SIPA1L1: variants seen among roughly 807,000 people sequenced by gnomAD.
SIPA1L1 encodes signal-induced proliferation-associated 1-like protein 1.
In SIPA1L1, 26 loss-of-function variants were observed where a neutral mutation model predicts 162.7. That is an observed-to-expected ratio of 0.16 (90% confidence interval 0.12 to 0.22). SIPA1L1 has a LOEUF of 0.22. Ranked by LOEUF, SIPA1L1 falls within the 10% of genes least tolerant of loss-of-function variation. The pLI is 1.00. For missense variants in SIPA1L1, 1,874 were observed against 2,241.0 expected, an observed-to-expected ratio of 0.84 and a Z score of 3.31; for synonymous variants, 829 against 837.4, an observed-to-expected ratio of 0.99 and a Z score of 0.17.
At chr14:71,427,236 CTT>C (rs548405834) in intron 2 of SIPA1L1, among the ~76,000 whole-genome samples, 1 of 147,370 alleles carries the variant, frequency 6.8e-6, no homozygotes, top group Admixed American at 6.8e-5. Flanking sequence ...ACTTTCTCAG[CTT>C]TTTTTTTTGT....
chr14:71,431,901 A>G (rs189350065), intron 2 of SIPA1L1, among the ~76,000 whole-genome samples: 297 of 152,242 alleles, frequency 2.0e-3, no homozygotes, highest in African/African-American at 6.6e-3. Context: ...TTTCAAAATG[A>G]AAACCCAAAG....
chr14:71,680,123 A>G (rs891966522), intron 12 of SIPA1L1, among the ~76,000 whole-genome samples: 4 of 152,252 alleles, frequency 2.6e-5, no homozygotes, highest in Non-Finnish European at 5.9e-5. Context: ...CAGAATATAC[A>G]TTCTTCTCAG....
Position 71,556,221 on chromosome 14 carries a change from G to A in SIPA1L1, c.-303+26851G>A, listed in dbSNP as rs575944502. ...ATGTTTAACCAATTTTTTCTTTTGT[G>A]AATTGCCTACTGTTTCAGAAAAACT... On this transcript the variant is annotated intron_variant, in intron 4 of 23. Coordinates refer to ENST00000381232, the MANE Select transcript of SIPA1L1 (RefSeq NM_001386936.1). 9.2e-5 allele frequency among the ~76,000 whole-genome samples: 14 copies of A among 152,226 alleles called. No individual in the cohort carries two copies. The South Asian group carries it at 2.9e-3, about 32-fold the overall frequency.
chr14:71,475,566 C>T (rs1313134571), intron 2 of SIPA1L1, among the ~76,000 whole-genome samples: 1 of 152,070 alleles, frequency 6.6e-6, no homozygotes, highest in Admixed American at 6.6e-5. Context: ...GAATTCTTCA[C>T]CTATCTTGAT....
At chr14:71,398,069 G>A (rs1595223285) in intron 2 of SIPA1L1, among the ~76,000 whole-genome samples, 1 of 122,772 alleles carries the variant, frequency 8.1e-6, no homozygotes, top group South Asian at 2.5e-4. Flanking sequence ...AGGCCGGACT[G>A]CAGTGGCGCT....
chr14:71,545,388 T>C (rs1335722373), intron 4 of SIPA1L1, among the ~76,000 whole-genome samples: 1 of 152,234 alleles, frequency 6.6e-6, no homozygotes, highest in African/African-American at 2.4e-5. Flanking sequence ...GTTTTCAATA[T>C]AGATGTTTTG....
chr14:71,342,641 G>A (rs1241562961), intron 2 of SIPA1L1, among the ~76,000 whole-genome samples: 1 of 152,132 alleles, frequency 6.6e-6, no homozygotes, highest in African/African-American at 2.4e-5. Context: ...GATTATGATG[G>A]GAAAGGAGTA....
intron 5 of SIPA1L1, among the ~76,000 whole-genome samples, chr14:71,589,711 TA>T (rs1475399884): frequency 6.6e-6 from 1 of 152,154 alleles, no homozygotes. Context: ...ATTTGAAATA[TA>T]GCTGTTGTTT....
chr14:71,712,651 G>A (rs1017624776), intron 17 of SIPA1L1, among the ~76,000 whole-genome samples: 1 of 152,194 alleles, frequency 6.6e-6, no homozygotes, highest in Admixed American at 6.5e-5. Flanking sequence ...GGCAGTGCCA[G>A]TTTGTGTGGC....
intron 5 of SIPA1L1, among the ~76,000 whole-genome samples, chr14:71,613,115 C>G (rs2038412081): frequency 6.6e-6 from 1 of 152,074 alleles, no homozygotes; most frequent in African/African-American, 2.4e-5. Flanking sequence ...AGCATTATGT[C>G]TCGTCTGACT....
intron 2 of SIPA1L1, among the ~76,000 whole-genome samples, chr14:71,425,393 A>G (rs1323200991): frequency 6.6e-6 from 1 of 151,868 alleles, no homozygotes; most frequent in African/African-American, 2.4e-5. Context: ...TGTGTCCCAT[A>G]AGTTTTGGCA....
chr14:71,492,013 T>C (rs1441689365), intron 2 of SIPA1L1, among the ~76,000 whole-genome samples: 1 of 152,172 alleles, frequency 6.6e-6, no homozygotes, highest in Admixed American at 6.5e-5. Context: ...ACCTAATGAT[T>C]TGACTGTATT....
At chr14:71,388,119 G>A (rs1481980258) in intron 2 of SIPA1L1, among the ~76,000 whole-genome samples, 2 of 152,178 alleles carry the variant, frequency 1.3e-5, no homozygotes, top group Non-Finnish European at 1.5e-5. Flanking sequence ...GCAGAAAATG[G>A]CATTTATTGA....
chr14:71,671,249 C>T lies in SIPA1L1; in HGVS notation c.2386C>T (p.His796Tyr). ...AKVINAENAAHKSEKFRAMAT... is the reference protein window; with the variant it reads ...AKVINAENAAYKSEKFRAMAT... The stretch of plus-strand genomic sequence containing the variant: ...AGTGATTAATGCAGAAAATGCTGCT[C>T]ATAAATCGGAGAAGTTTCGGGCCAT... The change falls in exon 11 of 24, where the codon CAT (histidine) becomes TAT (tyrosine). Residue 796 changes from histidine to tyrosine, a missense_variant. Coordinates refer to ENST00000381232, the MANE Select transcript of SIPA1L1 (RefSeq NM_001386936.1). The T allele has an allele frequency of 1.2e-6, 2 of 1,614,092 alleles. No homozygotes were observed. Among genetic ancestry groups the T allele is most frequent in the Non-Finnish European group, 1.7e-6 (2 of 1,180,024 alleles).
At chr14:71,484,727 T>C (rs149075360) in intron 2 of SIPA1L1, among the ~76,000 whole-genome samples, 363 of 152,356 alleles carry the variant, frequency 2.4e-3, no homozygotes, top group African/African-American at 7.7e-3. Flanking sequence ...TCAGCAGTTA[T>C]TGTCAGATAG....
intron 10 of SIPA1L1, 89 bp from the exon 11 acceptor site, chr14:71,671,030 A>G: frequency 9.8e-7 from 1 of 1,020,220 alleles, no homozygotes; most frequent in Non-Finnish European, 1.5e-6. Flanking sequence ...TATCTGAGGT[A>G]CATCTTTGTC....
intron 2 of SIPA1L1, among the ~76,000 whole-genome samples, chr14:71,416,477 A>G (rs972869931): frequency 2.6e-5 from 4 of 152,138 alleles, no homozygotes; most frequent in African/African-American, 9.7e-5. Flanking sequence ...TTTTAATAGA[A>G]GTGATATCTG....
chr14:71,488,956 C>T (rs79387528), intron 2 of SIPA1L1, among the ~76,000 whole-genome samples: 1 of 152,164 alleles, frequency 6.6e-6, no homozygotes, highest in African/African-American at 2.4e-5. Context: ...ATTCCAGGCT[C>T]CTCAGCTGCA....
intron 2 of SIPA1L1, among the ~76,000 whole-genome samples, chr14:71,384,702 A>T (rs1045693477): frequency 1.3e-5 from 2 of 152,168 alleles, no homozygotes; most frequent in Admixed American, 6.5e-5. Flanking sequence ...GTAAACTGCT[A>T]TTGAAATATG....
Sources: allele counts gnomAD v4.1 joint callset (sites outside exome capture counted in the v4.1 genomes callset), GRCh38; gene constraint gnomAD v4.1.1; transcripts MANE v1.5; gene names NCBI Gene and HGNC (gene_info 2026-07-23, HGNC 2026-07-21).